RBFOX1: variants seen among roughly 807,000 people sequenced by gnomAD.
RBFOX1 encodes the protein RNA binding protein fox-1 homolog 1.
A neutral mutation model predicts 57.7 loss-of-function variants in RBFOX1; 8 were observed. The observed-to-expected ratio is 0.14, with a 90% CI of 0.08 to 0.25. RBFOX1 has a LOEUF of 0.25. RBFOX1 is among the 10% of genes least tolerant of loss of function. The pLI, the probability that RBFOX1 is intolerant of heterozygous loss-of-function variation, is 1.00. For missense variants in RBFOX1, 611 were observed against 548.5 expected (o/e 1.11, Z -1.14); for synonymous variants, 326 against 222.4 (o/e 1.47, Z -4.15).
At chr16:5,281,203 A>C (rs2063263823) in intron 1 of RBFOX1, among the ~76,000 whole-genome samples, 1 of 152,180 alleles carries the variant, frequency 6.6e-6, no homozygotes, top group African/African-American at 2.4e-5. Context: ...ATGATTCAAT[A>C]GCACGTTTAA....
intron 2 of RBFOX1, among the ~76,000 whole-genome samples, chr16:5,578,287 G>A (rs2046538131): frequency 6.6e-6 from 1 of 152,150 alleles, no homozygotes; most frequent in South Asian, 2.1e-4. Context: ...TTCTCACCTA[G>A]CCTCATTCAT....
intron 4 of RBFOX1, among the ~76,000 whole-genome samples, chr16:5,955,013 G>C (rs1454137579): frequency 1.3e-5 from 2 of 148,592 alleles, no homozygotes; most frequent in South Asian, 2.1e-4. Flanking sequence ...GGACGTGGCA[G>C]CTCATCCTTG....
At chr16:7,173,212 T>C (rs1239923277) in intron 4 of RBFOX1, among the ~76,000 whole-genome samples, 1 of 152,198 alleles carries the variant, frequency 6.6e-6, no homozygotes, top group Non-Finnish European at 1.5e-5. Context: ...AAGAAAAACA[T>C]CACTACTTTT....
intron 2 of RBFOX1, among the ~76,000 whole-genome samples, chr16:6,318,165 T>C (rs564580925): frequency 6.6e-6 from 1 of 152,340 alleles, no homozygotes; most frequent in African/African-American, 2.4e-5. Flanking sequence ...GTGTATTAGC[T>C]GTTAGCTACA....
chr16:6,666,845 A>T (rs776367730), intron 3 of RBFOX1, among the ~76,000 whole-genome samples: 2 of 151,944 alleles, frequency 1.3e-5, no homozygotes, highest in East Asian at 1.9e-4. Context: ...TTTCCTCCCA[A>T]TTACTCAGCC....
intron 3 of RBFOX1, among the ~76,000 whole-genome samples, chr16:6,730,059 C>T (rs1235591210): frequency 6.6e-6 from 1 of 152,106 alleles, no homozygotes; most frequent in Non-Finnish European, 1.5e-5. Context: ...TCTTGATGTT[C>T]TTTATATATT....
In RBFOX1 at chr16:6,927,426, A is replaced by AAAAAG. The variant is rs2075796862; in HGVS notation, c.-15-124627_-15-124626insGAAAA. On this transcript the variant is annotated intron_variant, in intron 3 of 15. Transcript: ENST00000550418. The stretch of plus-strand genomic sequence containing the variant: ...AGACGCTTTCTCACAAAAAAAAAAA[A>AAAAAG]AAAAAAAAAAAAATCCGAACGTCTC... Among the ~76,000 whole-genome samples the AAAAAG allele has an allele frequency of 1.3e-5, 2 of 150,054 alleles. 1 individual carries two copies. Among genetic ancestry groups the AAAAAG allele is most frequent in the African/African-American group, 5.0e-5 (2 of 40,378 alleles).
chr16:6,530,460 T>C (rs17140531), intron 2 of RBFOX1, among the ~76,000 whole-genome samples: 14,003 of 152,204 alleles, frequency 0.092, 2,126 homozygotes, highest in African/African-American at 0.31. Flanking sequence ...GTTTCTTTGT[T>C]GTAAATATTC....
chr16:5,879,256 C>G (rs577039649), intron 4 of RBFOX1, among the ~76,000 whole-genome samples: 13 of 152,228 alleles, frequency 8.5e-5, no homozygotes, highest in Non-Finnish European at 1.6e-4. Flanking sequence ...AAATGCTGTG[C>G]TGGGCCAGCA....
At chr16:6,532,881 C>T (rs937527591) in intron 2 of RBFOX1, among the ~76,000 whole-genome samples, 16 of 152,208 alleles carry the variant, frequency 1.1e-4, no homozygotes, top group Non-Finnish European at 2.2e-4. Context: ...CCTTCTCTGG[C>T]CCCTTGAGTG....
At position 6,938,606 on chromosome 16, in the gene RBFOX1, G is replaced by C. The variant is rs1431927938; in HGVS notation, c.-15-113451G>C. ...TTTTTTCCTCTGGCTATGTGTGGTG[G>C]ATTTAGTTGGACTGTTTATAGGAGG... On this transcript the variant is annotated intron_variant, in intron 3 of 15. Transcript: ENST00000550418. 2.0e-5 allele frequency among the ~76,000 whole-genome samples: 3 copies of C among 152,202 alleles called. No individual in the cohort carries two copies. The East Asian group carries it at 5.8e-4, about 29-fold the overall frequency.
chr16:6,848,835 C>A (rs1424500505), intron 3 of RBFOX1, among the ~76,000 whole-genome samples: 3 of 152,160 alleles, frequency 2.0e-5, no homozygotes, highest in Non-Finnish European at 4.4e-5. Context: ...TGATTAGTGT[C>A]AGGGATAATG....
At chr16:6,606,735 G>A (rs987644878) in intron 2 of RBFOX1, among the ~76,000 whole-genome samples, 2 of 152,016 alleles carry the variant, frequency 1.3e-5, no homozygotes, top group East Asian at 3.9e-4. Flanking sequence ...TATGTACCAC[G>A]TTTTCTTTAT....
At chr16:5,707,219 C>A (rs2051285183) in intron 3 of RBFOX1, among the ~76,000 whole-genome samples, 1 of 152,180 alleles carries the variant, frequency 6.6e-6, no homozygotes, top group Non-Finnish European at 1.5e-5. Flanking sequence ...TCTAATTCAT[C>A]CAAGCCCTCT....
At chr16:6,486,013 TTTTC>T (rs1239654444) in intron 2 of RBFOX1, among the ~76,000 whole-genome samples, 1 of 130,010 alleles carries the variant, frequency 7.7e-6, no homozygotes, top group Non-Finnish European at 1.6e-5. Flanking sequence ...AGCTAATTAT[TTTTC>T]TTTTTTTTTT....
chr16:6,765,518 C>G (rs1440149127), intron 3 of RBFOX1, among the ~76,000 whole-genome samples: 1 of 138,694 alleles, frequency 7.2e-6, no homozygotes, highest in African/African-American at 2.5e-5. Flanking sequence ...TACACCTCAA[C>G]TTAAAGTTTA....
rs184113833 is a variant in RBFOX1 at position 6,254,857 on chromosome 16, G to T, written c.-126-62138G>T. On this transcript the variant is annotated intron_variant, in intron 1 of 15. Transcript: ENST00000550418. ...TCCTCTTTCCTGCCCTGTTCTCTGG[G>T]ATTTACATGGTGCAACAACTTTTTC... Among the ~76,000 whole-genome samples, 411 of 152,012 alleles carry T rather than the reference G, an allele frequency of 2.7e-3. 2 individuals are homozygous for T. Among genetic ancestry groups the T allele is most frequent in the African/African-American group, 9.5e-3 (395 of 41,410 alleles).
chr16:7,023,068 C>G lies in RBFOX1; in HGVS notation c.-15-28989C>G, dbSNP rs569621016. Among the ~76,000 whole-genome samples, 9 of 152,162 alleles carry G rather than the reference C, an allele frequency of 5.9e-5. No individual in the cohort carries two copies. In the South Asian group the frequency reaches 1.0e-3, roughly 18 times the overall value. Reference sequence around the variant, plus strand: ...ATTTGAAGTGTAGAGATAAGAGAATCCTATGCAAAAAGCCCAGCCAGTGCA... The same window carrying G: ...ATTTGAAGTGTAGAGATAAGAGAATGCTATGCAAAAAGCCCAGCCAGTGCA... On this transcript the variant is annotated intron_variant, in intron 3 of 15. Transcript: ENST00000550418.
At chr16:6,511,550 C>T (rs187048506) in intron 2 of RBFOX1, among the ~76,000 whole-genome samples, 52 of 152,296 alleles carry the variant, frequency 3.4e-4, no homozygotes, top group South Asian at 1.9e-3. Flanking sequence ...ACTGGCATTG[C>T]TGAGAATAAT....
Sources: allele counts gnomAD v4.1 joint callset (sites outside exome capture counted in the v4.1 genomes callset), GRCh38; gene constraint gnomAD v4.1.1; transcripts MANE v1.5; gene names NCBI Gene and HGNC (gene_info 2026-07-23, HGNC 2026-07-21).